RABL6: variants seen among roughly 807,000 people sequenced by gnomAD.
RABL6 encodes the protein rab-like protein 6.
RABL6 carries 28 observed loss-of-function variants against 72.9 expected under a neutral mutation model. The ratio of observed to expected loss-of-function variants is 0.38; its 90% CI spans 0.28 to 0.53. The LOEUF is 0.53. RABL6 is among the 20% of genes least tolerant of loss of function. The pLI is 0.80. For synonymous variants in RABL6, 477 were observed against 421.2 expected (o/e 1.13, Z -1.62); for missense variants, 1,029 against 1,008.4 (o/e 1.02, Z -0.28).
intron 7 of RABL6, chr9:136,833,700 C>G: frequency 2.6e-6 from 4 of 1,549,678 alleles, no homozygotes; most frequent in Non-Finnish European, 3.5e-6. Flanking sequence ...GCAGCTGCAG[C>G]AGCCTTGGTC....
intron 9 of RABL6, 68 bp from the exon 10 acceptor site, chr9:136,837,794 T>C: frequency 4.5e-6 from 7 of 1,541,180 alleles, no homozygotes; most frequent in Non-Finnish European, 6.1e-6. Flanking sequence ...CGGGTGGGCC[T>C]GGCTTGGGGT....
chr9:136,814,938 C>G (rs1414576896), intron 1 of RABL6: 1 of 165,818 alleles, frequency 6.0e-6, no homozygotes, highest in African/African-American at 2.4e-5. Flanking sequence ...TTGTCCTCAT[C>G]ATCCTCTTCA....
At position 136,837,432 on chromosome 9, in the gene RABL6, C is replaced by T. The variant is rs750044594; in HGVS notation, c.896C>T (p.Ser299Leu). 9 of 1,579,570 alleles carry T rather than the reference C, an allele frequency of 5.7e-6. No homozygotes were observed. The highest frequency in any genetic ancestry group is 7.7e-6 in the Non-Finnish European group (9 of 1,164,696). The change falls in exon 9 of 15, where the codon TCA becomes TTA. Residue 299 changes from serine to leucine, a missense_variant. By Grantham distance (145) the Ser-to-Leu change is moderately radical. Transcript: ENST00000311502. ...NGQSPSPGSQ[S>L]PVVPAGAVST... ...CAGAGCCCATCCCCGGGCTCCCAGT[C>T]ACCAGTGGTGCCTGCAGGCGCTGTG...
chr9:136,837,286 C>A (rs1164923637), intron 8 of RABL6, 60 bp from the exon 9 acceptor site: 1 of 1,518,956 alleles, frequency 6.6e-7, no homozygotes, highest in South Asian at 1.2e-5. Context: ...CCCCCTGTCA[C>A]CTGAGGGCCT....
intron 2 of RABL6, 146 bp from the exon 3 acceptor site, chr9:136,825,633 A>G: frequency 1.2e-6 from 1 of 837,614 alleles, no homozygotes; most frequent in Admixed American, 1.8e-5. Context: ...TCGTCTGGGG[A>G]GGACACATCC....
intron 5 of RABL6, among the ~76,000 whole-genome samples, chr9:136,830,492 C>T (rs1183271128): frequency 2.6e-5 from 4 of 152,248 alleles, no homozygotes; most frequent in Non-Finnish European, 5.9e-5. Context: ...ACGGGGCTGG[C>T]GGCCCCACCC....
At chr9:136,821,743 C>T (rs1848242183) in intron 1 of RABL6, 1 of 1,146,442 alleles carries the variant, frequency 8.7e-7, no homozygotes, top group Non-Finnish European at 1.1e-6. Context: ...CTCCACAGGC[C>T]GGGCCGCCGG....
chr9:136,839,938 G>A, intron 13 of RABL6, 73 bp downstream of exon 13: 2 of 1,545,870 alleles, frequency 1.3e-6, no homozygotes, highest in Non-Finnish European at 1.7e-6. Context: ...CCAGCTGCTG[G>A]CCGCTGGCCG....
chr9:136,837,271 G>A (rs1266234132), intron 8 of RABL6, 75 bp from the exon 9 acceptor site: 1 of 1,458,590 alleles, frequency 6.9e-7, no homozygotes, highest in Admixed American at 2.0e-5. Flanking sequence ...AGCAGCAGCA[G>A]AGAGCCCCCT....
At chr9:136,836,461 T>C (rs1848586125) in intron 8 of RABL6, 1 of 152,440 alleles carries the variant, frequency 6.6e-6, no homozygotes, top group African/African-American at 2.4e-5. Flanking sequence ...GAGGTCTCTG[T>C]TTCCAGAAGG....
In RABL6 at chr9:136,839,701, T is replaced by C. The variant is rs1484705842; in HGVS notation, c.1766T>C (p.Phe589Ser). 2.5e-6 allele frequency: 4 copies of C among 1,583,516 alleles called. No homozygotes were observed. Among genetic ancestry groups the C allele is most frequent in the Non-Finnish European group, 3.4e-6 (4 of 1,161,492 alleles). Residue 589 changes from phenylalanine to serine, a missense_variant, in exon 13 of 15, where the codon TTT (phenylalanine) becomes TCT (serine). By Grantham distance (155) the Phe-to-Ser change is radical. Transcript: ENST00000311502. ...TTGCTCTCCCTGCTCCAGGATGACT[T>C]TCCCGTGCGAGATGACCCCTCCGAT... is the stretch of plus-strand genomic sequence containing the variant. The part of the protein sequence containing the change: ...GSDTQRRADD[F>S]PVRDDPSDVT...
chr9:136,817,150 A>G (rs1026090259), intron 1 of RABL6, among the ~76,000 whole-genome samples: 22 of 134,992 alleles, frequency 1.6e-4, no homozygotes, highest in African/African-American at 7.8e-4. Flanking sequence ...CAGCAGGAGA[A>G]GCAGCACGAG....
rs1360553549 is a variant in RABL6 at position 136,808,115 on chromosome 9, G to A, written c.-82G>A. On this transcript the variant is annotated 5_prime_UTR_variant, in exon 1 of 15. Coordinates refer to ENST00000311502, the MANE Select transcript of RABL6 (RefSeq NM_024718.5). Reference sequence around the variant, plus strand: ...GGCCTCCGGGGGGGCCGGGGCCGCCGGGACATGGTGCCAGTCGCACCCCTT... The same window carrying A: ...GGCCTCCGGGGGGGCCGGGGCCGCCAGGACATGGTGCCAGTCGCACCCCTT... 1.5e-6 allele frequency: 2 copies of A among 1,346,718 alleles called. No homozygotes were observed. Among genetic ancestry groups the A allele is most frequent in the African/African-American group, 1.5e-5 (1 of 64,712 alleles). The allele number at this position is 1,346,718 out of a possible 1,614,324, so 83.4% of individuals were successfully genotyped here. A position where few individuals can be genotyped will look rare whatever the true frequency, so the allele number is the denominator to read the frequency against.
At position 136,831,713 on chromosome 9, in the gene RABL6, T is replaced by C; in HGVS notation, c.459-8T>C. The C allele has an allele frequency of 6.2e-7, 1 of 1,612,946 alleles. No homozygotes were observed. The highest frequency in any genetic ancestry group is 1.1e-5 in the South Asian group (1 of 91,074). On this transcript the variant is annotated splice_region_variant and splice_polypyrimidine_tract_variant and intron_variant, in intron 5 of 14. Transcript: ENST00000311502. ...GAAACTAAGCCAGGTCCTCACCTGT[T>C]CTCCGAGGACCTTCAATTACATTCT...
chr9:136,835,551 AGG>A, intron 7 of RABL6, 189 bp from the exon 8 acceptor site: 1 of 556,422 alleles, frequency 1.8e-6, no homozygotes, highest in South Asian at 2.5e-5. Context: ...GCCACCGCAG[AGG>A]AATCCTCTGG....
At chr9:136,825,904 G>A (rs1018979430) in intron 3 of RABL6, 78 bp downstream of exon 3, 1 of 1,509,786 alleles carries the variant, frequency 6.6e-7, no homozygotes, top group Non-Finnish European at 9.2e-7. Context: ...TCTTTCCCCC[G>A]GCGCCCATGC....
rs1564360781 is a variant in RABL6 at position 136,818,362 on chromosome 9, C to CAA, written c.131-5122_131-5121dup. On this transcript the variant is annotated intron_variant, in intron 1 of 14. Transcript: ENST00000311502. ...TGGGCAACAAAACCAGACTCTGTCT[C>CAA]AAAAAAAAAAAAAAAAAAAAAAAAA... Among the ~76,000 whole-genome samples the CAA allele has an allele frequency of 8.7e-4, 13 of 14,988 alleles. 1 individual carries two copies. Among genetic ancestry groups the CAA allele is most frequent in the East Asian group, 1.9e-3 (1 of 524 alleles). 9.8% of individuals were successfully genotyped at this position (14,988 alleles called of 152,430 possible).
chr9:136,820,200 CAAAAAAA>C (rs34975162), intron 1 of RABL6, among the ~76,000 whole-genome samples: 112 of 77,850 alleles, frequency 1.4e-3, no homozygotes, highest in East Asian at 3.7e-3. Context: ...CTCCATCTTC[CAAAAAAA>C]AAAAAAAAAA....
intron 1 of RABL6, among the ~76,000 whole-genome samples, chr9:136,819,324 G>GA (rs57726746): frequency 0.044 from 2,592 of 58,890 alleles, 82 homozygotes; most frequent in African/African-American, 0.089. Context: ...TCCGTCTCAA[G>GA]AAAAAAAAAA....
Sources: allele counts gnomAD v4.1 joint callset (sites outside exome capture counted in the v4.1 genomes callset), GRCh38; gene constraint gnomAD v4.1.1; transcripts MANE v1.5; gene names NCBI Gene and HGNC (gene_info 2026-07-23, HGNC 2026-07-21).